The following SAMD5 variants were observed in gnomAD, a reference collection of about 807,000 sequenced individuals.
The protein encoded by SAMD5 is sterile alpha motif domain containing 5.
In SAMD5, 13 loss-of-function variants were observed where a neutral mutation model predicts 11.3. The observed-to-expected ratio is 1.15, with a 90% confidence interval of 0.75 to 1.83. The LOEUF is 1.83. SAMD5 is among the 40% of genes most tolerant of loss of function. The pLI, the probability that SAMD5 is intolerant of heterozygous loss-of-function variation, is 0.00. For missense variants in SAMD5, 255 were observed against 239.1 expected (o/e 1.07, Z -0.44); for synonymous variants, 129 against 111.3 (o/e 1.16, Z -1.00).
At chr6:147,603,925 T>C (rs1789660264) in intron 1 of SAMD5, among the ~76,000 whole-genome samples, 1 of 152,228 alleles carries the variant, frequency 6.6e-6, no homozygotes, top group African/African-American at 2.4e-5. Context: ...TAGCTTTCGT[T>C]GATACTACTC....
At chr6:147,951,149 CT>C in the SAMD5 span, among the ~76,000 whole-genome samples, 1 of 151,370 alleles carries the variant, frequency 6.6e-6, no homozygotes, top group Admixed American at 6.6e-5. Context: ...TTCTTTTCAC[CT>C]TTCCTTGTTT....
Position 147,569,181 on chromosome 6 carries a change from A to T in SAMD5, c.*4725A>T, listed in dbSNP as rs948524208. The T allele has an allele frequency of 1.9e-5, 4 of 208,648 alleles. No individual in the cohort carries two copies. In the East Asian group the frequency reaches 5.6e-4, roughly 29 times the overall value. The allele number at this position is 208,648 out of a possible 1,614,324, so 12.9% of individuals were successfully genotyped here. A position where few individuals can be genotyped will look rare whatever the true frequency, so the allele number is the denominator to read the frequency against. On this transcript the variant is annotated 3_prime_UTR_variant, in exon 2 of 2. Coordinates refer to ENST00000367474, the MANE Select transcript of SAMD5 (RefSeq NM_001030060.3). ...GGTCGCAGTGAGCTGAGATCGCGCC[A>T]GTGCGCTCCAGCCTGGGCAACAGAG... is the stretch of plus-strand genomic sequence containing the variant.
chr6:147,729,571 A>T (rs1256611575), intron 1 of SAMD5, among the ~76,000 whole-genome samples: 1 of 152,224 alleles, frequency 6.6e-6, no homozygotes, highest in Non-Finnish European at 1.5e-5. Flanking sequence ...GATGTATTTT[A>T]GGTGGTAATA....
the SAMD5 span, among the ~76,000 whole-genome samples, chr6:147,929,953 T>A: frequency 2.0e-5 from 3 of 152,212 alleles, no homozygotes; most frequent in Non-Finnish European, 4.4e-5. Flanking sequence ...AAAATGTATG[T>A]GAGGAAAAAT....
chr6:147,813,503 A>T, the SAMD5 span, among the ~76,000 whole-genome samples: 2 of 152,174 alleles, frequency 1.3e-5, no homozygotes, highest in Non-Finnish European at 2.9e-5. Context: ...TATCTTTAAG[A>T]TAAATAATAT....
the SAMD5 span, among the ~76,000 whole-genome samples, chr6:147,937,945 C>G: frequency 1.3e-5 from 2 of 152,126 alleles, no homozygotes; most frequent in African/African-American, 4.8e-5. Context: ...CTCTTTAAGA[C>G]ACTTTAACAA....
rs1788030636 is a variant in SAMD5, at chr6:147,508,719, G to A, written c.-210G>A. Among the ~76,000 whole-genome samples, 1 of 152,182 alleles carries A rather than the reference G, an allele frequency of 6.6e-6. No individual in the cohort carries two copies. Among genetic ancestry groups the A allele is most frequent in the African/African-American group, 2.4e-5 (1 of 41,464 alleles). On this transcript the variant is annotated 5_prime_UTR_variant, in exon 1 of 2. Coordinates refer to ENST00000367474, the MANE Select transcript of SAMD5 (RefSeq NM_001030060.3). ...CCTGCGAGCTCCGCTGCTGCTTGGG[G>A]AATTCACTTTGCTGCTTGTTCGCTT...
chr6:147,858,490 G>A, the SAMD5 span, among the ~76,000 whole-genome samples: 2 of 152,156 alleles, frequency 1.3e-5, no homozygotes, highest in South Asian at 2.1e-4. Context: ...TGATTTATGA[G>A]GTCCTTAGAT....
chr6:147,704,913 T>C (rs1306947357), intron 1 of SAMD5, among the ~76,000 whole-genome samples: 1 of 152,200 alleles, frequency 6.6e-6, no homozygotes, highest in African/African-American at 2.4e-5. Context: ...AAACTCGAAC[T>C]TGTCATCCCC....
At chr6:147,606,665 C>G (rs1789706720) in intron 1 of SAMD5, among the ~76,000 whole-genome samples, 1 of 151,670 alleles carries the variant, frequency 6.6e-6, no homozygotes, top group African/African-American at 2.4e-5. Flanking sequence ...CTTCAAACCA[C>G]TAACTGTGCC....
the SAMD5 span, among the ~76,000 whole-genome samples, chr6:147,921,585 CAG>C: frequency 3.9e-5 from 6 of 152,260 alleles, no homozygotes; most frequent in South Asian, 8.3e-4. Context: ...TGAATGGACT[CAG>C]GGGACTTTTC....
At chr6:147,945,668 G>C in the SAMD5 span, among the ~76,000 whole-genome samples, 3 of 152,160 alleles carry the variant, frequency 2.0e-5, no homozygotes, top group African/African-American at 7.2e-5. Flanking sequence ...GTGAAGGGAG[G>C]TGGTGACTGA....
At chr6:147,551,543 A>T (rs909216141) in intron 1 of SAMD5, among the ~76,000 whole-genome samples, 4 of 152,036 alleles carry the variant, frequency 2.6e-5, no homozygotes, top group Non-Finnish European at 5.9e-5. Flanking sequence ...TCTGAATGTT[A>T]AGGTGGCAGA....
At chr6:147,834,071 A>C in the SAMD5 span, among the ~76,000 whole-genome samples, 1 of 152,224 alleles carries the variant, frequency 6.6e-6, no homozygotes, top group Middle Eastern at 3.2e-3. Context: ...TTTCCCTTGT[A>C]TTATCAGCAG....
At chr6:147,835,919 C>T in the SAMD5 span, among the ~76,000 whole-genome samples, 1 of 152,228 alleles carries the variant, frequency 6.6e-6, no homozygotes, top group Non-Finnish European at 1.5e-5. Flanking sequence ...TTCTGCCCCT[C>T]ATTCCTAAAG....
At chr6:147,652,147 T>G (rs1790494408) in intron 1 of SAMD5, among the ~76,000 whole-genome samples, 1 of 152,218 alleles carries the variant, frequency 6.6e-6, no homozygotes, top group Non-Finnish European at 1.5e-5. Context: ...TAGGCTAGCA[T>G]TTTCCACTGT....
the SAMD5 span, among the ~76,000 whole-genome samples, chr6:147,928,243 G>A: frequency 2.5e-4 from 38 of 152,128 alleles, no homozygotes; most frequent in African/African-American, 8.9e-4. Context: ...TGGTACCAGC[G>A]CTTCTTTGTA....
intron 1 of SAMD5, chr6:147,692,490 A>G (rs185747285): frequency 7.2e-5 from 11 of 152,316 alleles, no homozygotes; most frequent in Non-Finnish European, 1.3e-4. Flanking sequence ...AGTCTTTGGT[A>G]AGTCTAGATA....
intron 1 of SAMD5, among the ~76,000 whole-genome samples, chr6:147,676,493 G>A (rs9403876): frequency 0.077 from 11,748 of 152,210 alleles, 602 homozygotes; most frequent in South Asian, 0.2. Flanking sequence ...AGAGTATGCT[G>A]TTAGTAAATA....
Sources: allele counts gnomAD v4.1 joint callset (sites outside exome capture counted in the v4.1 genomes callset), GRCh38; gene constraint gnomAD v4.1.1; transcripts MANE v1.5; gene names NCBI Gene and HGNC (gene_info 2026-07-23, HGNC 2026-07-21).